RORB: variants seen among roughly 807,000 people sequenced by gnomAD.
RORB encodes RAR related orphan receptor B.
A neutral mutation model predicts 59.1 loss-of-function variants in RORB; 6 were observed. That is an observed-to-expected ratio of 0.10 (90% CI 0.06 to 0.20). The LOEUF is 0.20. Among genes scored for constraint, RORB ranks in the 10% least tolerant of loss-of-function variants. The probability of loss-of-function intolerance (pLI) is 1.00; values close to 1 mark genes in which losing one functional copy is unlikely to be tolerated. For synonymous variants in RORB, 215 were observed against 204.5 expected (o/e 1.05, Z -0.44); for missense variants, 320 against 560.5 (o/e 0.57, Z 4.33).
intron 1 of RORB, among the ~76,000 whole-genome samples, chr9:74,510,262 A>T (rs1825918409): frequency 6.6e-6 from 1 of 152,170 alleles, no homozygotes; most frequent in Admixed American, 6.6e-5. Flanking sequence ...TCTTATATTT[A>T]GTATCTACTA....
chr9:74,592,757 A>T (rs1822918042), intron 1 of RORB, among the ~76,000 whole-genome samples: 1 of 152,122 alleles, frequency 6.6e-6, no homozygotes, highest in South Asian at 2.1e-4. Flanking sequence ...AAAAAGAAAA[A>T]ACAGTCCATA....
At chr9:74,641,017 A>G (rs2118457470) in intron 3 of RORB, among the ~76,000 whole-genome samples, 1 of 152,294 alleles carries the variant, frequency 6.6e-6, no homozygotes, top group East Asian at 1.9e-4. Flanking sequence ...CCAGGAACTG[A>G]GCCTTTTTCT....
At chr9:74,635,956 C>CAAAA (rs11364568) in intron 3 of RORB, among the ~76,000 whole-genome samples, 5,009 of 131,456 alleles carry the variant, frequency 0.038, 166 homozygotes, top group South Asian at 0.11. Context: ...CAAATTTGAC[C>CAAAA]AAAAAAAAAA....
intron 1 of RORB, among the ~76,000 whole-genome samples, chr9:74,531,600 TG>T (rs1826239858): frequency 6.6e-6 from 1 of 152,048 alleles, no homozygotes; most frequent in Non-Finnish European, 1.5e-5. Flanking sequence ...ACTTAGGATA[TG>T]TATAACCACT....
chr9:74,548,147 G>A (rs561235415), intron 1 of RORB, among the ~76,000 whole-genome samples: 52 of 152,250 alleles, frequency 3.4e-4, no homozygotes, highest in African/African-American at 1.2e-3. Context: ...AGGTCATAAC[G>A]TTACCCATAA....
intron 4 of RORB, among the ~76,000 whole-genome samples, chr9:74,655,027 TATC>T (rs1824057229): frequency 6.6e-6 from 1 of 152,234 alleles, no homozygotes; most frequent in Non-Finnish European, 1.5e-5. Context: ...CTTTTTGCCT[TATC>T]ATGATTAAAA....
chr9:74,642,299 A>T, intron 3 of RORB, 115 bp from the exon 4 acceptor site: 1 of 1,024,844 alleles, frequency 9.8e-7, no homozygotes, highest in Non-Finnish European at 1.4e-6. Flanking sequence ...TTATGGTGCT[A>T]GACATTTGTG....
At chr9:74,530,170 G>A (rs2118094721) in intron 1 of RORB, among the ~76,000 whole-genome samples, 1 of 152,126 alleles carries the variant, frequency 6.6e-6, no homozygotes, top group African/African-American at 2.4e-5. Context: ...TATTTTCCAA[G>A]TGGAAGTAAA....
chr9:74,684,903 T>C (rs1824614247), intron 9 of RORB, among the ~76,000 whole-genome samples: 1 of 152,192 alleles, frequency 6.6e-6, no homozygotes, highest in African/African-American at 2.4e-5. Flanking sequence ...CTTCCAAAGC[T>C]AAAAATCTAA....
At chr9:74,652,249 G>T (rs969361554) in intron 4 of RORB, among the ~76,000 whole-genome samples, 7 of 152,008 alleles carry the variant, frequency 4.6e-5, no homozygotes, top group African/African-American at 1.7e-4. Flanking sequence ...TCTACTAAAA[G>T]ATACAAAAAT....
intron 1 of RORB, among the ~76,000 whole-genome samples, chr9:74,567,258 C>T (rs1261071502): frequency 1.3e-5 from 2 of 152,260 alleles, no homozygotes; most frequent in South Asian, 2.1e-4. Context: ...AACTCCTGTT[C>T]TCAAGTGATC....
rs1824684326 is a variant in RORB, at chr9:74,688,452, G to A, written c.*2834G>A. 1 of 152,064 alleles carries A rather than the reference G, an allele frequency of 6.6e-6. No homozygotes were observed. Among genetic ancestry groups the A allele is most frequent in the Admixed American group, 6.6e-5 (1 of 15,262 alleles). 9.4% of individuals were successfully genotyped at this position (152,064 alleles called of 1,614,324 possible). A position where few individuals can be genotyped will look rare whatever the true frequency, so the allele number is the denominator to read the frequency against. Reference sequence around the variant, plus strand: ...TCCTTCCCCATGAGGACTAACAAATGTTCACAACAATCATGATCAAGTGTG... The same window carrying A: ...TCCTTCCCCATGAGGACTAACAAATATTCACAACAATCATGATCAAGTGTG... On this transcript the variant is annotated 3_prime_UTR_variant, in exon 10 of 10. Coordinates refer to ENST00000376896, the MANE Select transcript of RORB (RefSeq NM_006914.4).
chr9:74,519,233 C>G (rs533195476), intron 1 of RORB, among the ~76,000 whole-genome samples: 1 of 152,122 alleles, frequency 6.6e-6, no homozygotes, highest in East Asian at 1.9e-4. Context: ...AGATAAATAT[C>G]CTACCTACTG....
At chr9:74,650,362 G>A (rs901576109) in intron 4 of RORB, among the ~76,000 whole-genome samples, 3 of 152,328 alleles carry the variant, frequency 2.0e-5, no homozygotes, top group Admixed American at 6.5e-5. Flanking sequence ...TTTTGGAAGA[G>A]CTGGTAAGAG....
chr9:74,561,978 A>G (rs10746960), intron 1 of RORB, among the ~76,000 whole-genome samples: 62,894 of 152,004 alleles, frequency 0.41, 14,018 homozygotes, highest in East Asian at 0.77. Context: ...TATCTTCATG[A>G]GTAGATTGTT....
intron 9 of RORB, among the ~76,000 whole-genome samples, chr9:74,677,777 T>C (rs548432469): frequency 6.6e-6 from 1 of 152,338 alleles, no homozygotes; most frequent in African/African-American, 2.4e-5. Flanking sequence ...ATAATGATAA[T>C]GTGCTGTATT....
In RORB at chr9:74,497,996, G is replaced by T; in HGVS notation, c.7+13G>T. On this transcript the variant is annotated intron_variant, in intron 1 of 9. Coordinates refer to ENST00000376896, the MANE Select transcript of RORB (RefSeq NM_006914.4). ...CACACCATGCGAGGTAAGCGAGTCT[G>T]CGGGCACCGAGGCTCCCCGAGTCCG... The T allele has an allele frequency of 6.2e-7, 1 of 1,609,810 alleles. No homozygotes were observed. The highest frequency in any genetic ancestry group is 8.5e-7 in the Non-Finnish European group (1 of 1,179,450).
At chr9:74,652,486 A>G (rs1824010165) in intron 4 of RORB, among the ~76,000 whole-genome samples, 1 of 152,158 alleles carries the variant, frequency 6.6e-6, no homozygotes, top group Non-Finnish European at 1.5e-5. Flanking sequence ...TATTCATTCA[A>G]TCTTTGCCCA....
At chr9:74,654,332 GGGAGAGAGA>G (rs1824043427) in intron 4 of RORB, among the ~76,000 whole-genome samples, 1 of 77,808 alleles carries the variant, frequency 1.3e-5, no homozygotes, top group Non-Finnish European at 2.4e-5. Context: ...ACAGTCTCAG[GGGAGAGAGA>G]GAGAGAGAGA....
Sources: allele counts gnomAD v4.1 joint callset (sites outside exome capture counted in the v4.1 genomes callset), GRCh38; gene constraint gnomAD v4.1.1; transcripts MANE v1.5; gene names NCBI Gene and HGNC (gene_info 2026-07-23, HGNC 2026-07-21).